Variants in PDE4B observed in about 807,000 individuals in gnomAD.
PDE4B encodes the protein 3',5'-cyclic-AMP phosphodiesterase 4B.
PDE4B carries 20 observed loss-of-function variants against 82.2 expected under a neutral mutation model. The observed-to-expected ratio is 0.24, with a 90% CI of 0.17 to 0.35. The LOEUF is 0.35. Among genes scored for constraint, PDE4B ranks in the 10% least tolerant of loss-of-function variants. The pLI is 1.00. For synonymous variants in PDE4B, 320 were observed against 318.9 expected, an observed-to-expected ratio of 1.00 and a Z score of -0.04; for missense variants, 655 against 907.2, an observed-to-expected ratio of 0.72 and a Z score of 3.57.
chr1:66,319,099 C>T (rs972970488), intron 7 of PDE4B, among the ~76,000 whole-genome samples: 3 of 152,176 alleles, frequency 2.0e-5, no homozygotes, highest in Non-Finnish European at 4.4e-5. Flanking sequence ...ACTTAGACTA[C>T]AAAATACAAT....
chr1:66,187,674 G>T (rs1233960689), intron 3 of PDE4B, among the ~76,000 whole-genome samples: 1 of 152,126 alleles, frequency 6.6e-6, no homozygotes, highest in African/African-American at 2.4e-5. Flanking sequence ...GGGATCTGTG[G>T]TGATATCCCC....
At chr1:65,877,656 T>TAAAC (rs1414013061) in intron 1 of PDE4B, among the ~76,000 whole-genome samples, 4 of 150,024 alleles carry the variant, frequency 2.7e-5, no homozygotes, top group South Asian at 2.1e-4. Flanking sequence ...AATAAATAAA[T>TAAAC]AGTGCTGGGA....
At chr1:65,939,071 C>G (rs1043705436) in intron 3 of PDE4B, among the ~76,000 whole-genome samples, 1 of 152,118 alleles carries the variant, frequency 6.6e-6, no homozygotes, top group Non-Finnish European at 1.5e-5. Flanking sequence ...GTGCCAGACA[C>G]TGTTCCAGGT....
At chr1:66,313,940 T>A (rs138580655) in intron 7 of PDE4B, among the ~76,000 whole-genome samples, 5 of 152,208 alleles carry the variant, frequency 3.3e-5, no homozygotes, top group African/African-American at 1.2e-4. Flanking sequence ...GTGGTCCAAA[T>A]TCACATGTCT....
chr1:66,131,012 C>A (rs1426071720), intron 3 of PDE4B, among the ~76,000 whole-genome samples: 1 of 152,192 alleles, frequency 6.6e-6, no homozygotes, highest in Non-Finnish European at 1.5e-5. Context: ...AAATGTCATG[C>A]ATGTTGTAAA....
At chr1:66,153,276 T>C (rs1646439134) in intron 3 of PDE4B, among the ~76,000 whole-genome samples, 1 of 151,990 alleles carries the variant, frequency 6.6e-6, no homozygotes, top group Non-Finnish European at 1.5e-5. Context: ...AAATTCCTAC[T>C]CTCATCTCTT....
intron 12 of PDE4B, among the ~76,000 whole-genome samples, chr1:66,364,964 C>T (rs1428463203): frequency 6.6e-6 from 1 of 152,136 alleles, no homozygotes; most frequent in Non-Finnish European, 1.5e-5. Flanking sequence ...TGAGGAAAGA[C>T]ATTTCAGCTC....
rs1334793486 is a variant in PDE4B at position 66,131,639 on chromosome 1, T to A, written c.282-115821T>A. Among the ~76,000 whole-genome samples, 13 of 27,958 alleles carry A rather than the reference T, an allele frequency of 4.6e-4. No individual in the cohort carries two copies. In the East Asian group the frequency reaches 0.01, roughly 22 times the overall value. 18.3% of individuals were successfully genotyped at this position (27,958 alleles called of 152,430 possible). A position where few individuals can be genotyped will look rare whatever the true frequency, so the allele number is the denominator to read the frequency against. On this transcript the variant is annotated intron_variant, in intron 3 of 16. Transcript: ENST00000341517. ...TATATATATATATATATATATATATTACTAACCAGGGAAAGGATGATGATT... is the reference window on the plus strand; with the variant it reads ...TATATATATATATATATATATATATAACTAACCAGGGAAAGGATGATGATT...
chr1:66,209,130 C>T (rs996325836), intron 3 of PDE4B, among the ~76,000 whole-genome samples: 7 of 152,160 alleles, frequency 4.6e-5, no homozygotes, highest in Non-Finnish European at 7.4e-5. Flanking sequence ...TAGATAGTGA[C>T]CTTTTAGTGC....
At chr1:66,032,282 T>C (rs562717617) in intron 3 of PDE4B, among the ~76,000 whole-genome samples, 10 of 152,246 alleles carry the variant, frequency 6.6e-5, no homozygotes, top group Non-Finnish European at 4.4e-5. Context: ...GTTGGCAGTA[T>C]GATGAAGCCA....
At position 66,236,248 on chromosome 1, in the gene PDE4B, CA is replaced by C. The variant is rs1297058691; in HGVS notation, c.282-11210del. On this transcript the variant is annotated intron_variant, in intron 3 of 16. Transcript: ENST00000341517. ...TTTTTAGTTTATCACAGTCTACCTT[CA>C]AGCAATATTTTACCGCTTTATCTAG... is the stretch of plus-strand genomic sequence containing the variant. Among the ~76,000 whole-genome samples, 4 of 152,214 alleles carry C rather than the reference CA, an allele frequency of 2.6e-5. No homozygotes were observed. In the Middle Eastern group the frequency reaches 0.01, roughly 388 times the overall value.
chr1:65,962,359 C>T (rs1649587511), intron 3 of PDE4B, among the ~76,000 whole-genome samples: 1 of 152,124 alleles, frequency 6.6e-6, no homozygotes, highest in African/African-American at 2.4e-5. Context: ...GGGTCTGCTA[C>T]TGTAACATAA....
rs565737857 is a variant in PDE4B, at chr1:66,140,125, T to C, written c.282-107335T>C. On this transcript the variant is annotated intron_variant, in intron 3 of 16. Transcript: ENST00000341517. ...AAAAGAGGGACCTTTTTTTTTCCTT[T>C]TGATGGCTGTTCTTGATGCTTGTTT... Among the ~76,000 whole-genome samples the C allele has an allele frequency of 7.5e-4, 115 of 152,336 alleles. 3 individuals are homozygous for C. The highest frequency in any genetic ancestry group is 2.5e-3 in the African/African-American group (106 of 41,582).
At chr1:65,989,049 A>C (rs1651104076) in intron 3 of PDE4B, among the ~76,000 whole-genome samples, 1 of 152,184 alleles carries the variant, frequency 6.6e-6, no homozygotes, top group African/African-American at 2.4e-5. Flanking sequence ...ATGAAAATCA[A>C]AATGTTTCCA....
chr1:65,834,497 G>A (rs1648762592), intron 1 of PDE4B, among the ~76,000 whole-genome samples: 1 of 152,108 alleles, frequency 6.6e-6, no homozygotes, highest in African/African-American at 2.4e-5. Flanking sequence ...ACGTCTATAT[G>A]CAATGTAGAA....
chr1:65,978,584 A>T (rs1198006177), intron 3 of PDE4B, among the ~76,000 whole-genome samples: 2 of 152,120 alleles, frequency 1.3e-5, no homozygotes, highest in Admixed American at 6.6e-5. Context: ...TTCCCCAAGT[A>T]TTTTCACATG....
At chr1:65,885,131 C>T (rs1394318675) in intron 1 of PDE4B, among the ~76,000 whole-genome samples, 1 of 152,146 alleles carries the variant, frequency 6.6e-6, no homozygotes, top group Non-Finnish European at 1.5e-5. Context: ...CACTGGCCAT[C>T]AGAGAAATGC....
chr1:66,109,615 A>T (rs1355109825), intron 3 of PDE4B, among the ~76,000 whole-genome samples: 2 of 151,902 alleles, frequency 1.3e-5, no homozygotes, highest in East Asian at 3.9e-4. Flanking sequence ...TAATCTTTTG[A>T]TTTTTCTAGC....
chr1:66,184,304 G>T (rs1647135013), intron 3 of PDE4B, among the ~76,000 whole-genome samples: 1 of 152,108 alleles, frequency 6.6e-6, no homozygotes, highest in African/African-American at 2.4e-5. Context: ...GGGTAGGGAG[G>T]TTTGAAGAAA....
Sources: allele counts gnomAD v4.1 joint callset (sites outside exome capture counted in the v4.1 genomes callset), GRCh38; gene constraint gnomAD v4.1.1; transcripts MANE v1.5; gene names NCBI Gene and HGNC (gene_info 2026-07-23, HGNC 2026-07-21).